Variants in PCDHA8 observed in about 807,000 individuals in gnomAD.
The protein encoded by PCDHA8 is protocadherin alpha 8.
PCDHA8 carries 53 observed loss-of-function variants against 61.8 expected under a neutral mutation model. The ratio of observed to expected loss-of-function variants is 0.86; its 90% confidence interval spans 0.69 to 1.08. PCDHA8 has a LOEUF of 1.08. Ranked by LOEUF, PCDHA8 falls within the 50% of genes least tolerant of loss-of-function variation. PCDHA8 has a pLI of 0.00. For missense variants in PCDHA8, 1,293 were observed against 1,245.0 expected (o/e 1.04, Z -0.58); for synonymous variants, 618 against 556.6 (o/e 1.11, Z -1.55).
At chr5:140,941,255 C>CTTTCTTTCTTTCTTTCTCTT (rs782490896) in intron 1 of PCDHA8, among the ~76,000 whole-genome samples, 1 of 44,508 alleles carries the variant, frequency 2.2e-5, no homozygotes, top group Non-Finnish European at 5.1e-5. Context: ...TTCTTTCTTT[C>CTTTCTTTCTTTCTTTCTCTT]TCTTTCTTTC....
intron 1 of PCDHA8, chr5:140,881,501 C>A (rs782000314): frequency 3.3e-4 from 82 of 248,870 alleles, no homozygotes; most frequent in Non-Finnish European, 4.9e-4. Context: ...CACATACACA[C>A]ACTCACATAC....
At chr5:140,985,310 TG>T (rs1563522847) in intron 3 of PCDHA8, among the ~76,000 whole-genome samples, 2 of 152,196 alleles carry the variant, frequency 1.3e-5, no homozygotes, top group African/African-American at 4.8e-5. Flanking sequence ...GATAGCCTGG[TG>T]GCCAGAATTC....
chr5:140,906,545 T>C (rs1477554651), intron 1 of PCDHA8, among the ~76,000 whole-genome samples: 2 of 152,256 alleles, frequency 1.3e-5, no homozygotes, highest in Admixed American at 6.5e-5. Context: ...TCCTCATTTC[T>C]GCAACTGGTT....
intron 1 of PCDHA8, among the ~76,000 whole-genome samples, chr5:140,895,873 G>A (rs112324080): frequency 0.13 from 19,058 of 152,088 alleles, 1,272 homozygotes; most frequent in Middle Eastern, 0.19. Context: ...GTGCAATGGC[G>A]CGATCTCGGC....
At chr5:140,850,549 G>A in intron 1 of PCDHA8, 2 of 1,598,360 alleles carry the variant, frequency 1.3e-6, no homozygotes, top group Non-Finnish European at 1.7e-6. Flanking sequence ...GCGTCAGTGG[G>A]TGCCACGGGC....
chr5:140,941,191 T>TTTTTTTTC (rs1554213809), intron 1 of PCDHA8, among the ~76,000 whole-genome samples: 21 of 93,258 alleles, frequency 2.3e-4, no homozygotes, highest in African/African-American at 5.9e-4. Flanking sequence ...GCTTCTTTTT[T>TTTTTTTTC]TTTCTTTCTT....
At chr5:140,847,774 C>T (rs1554141905) in intron 1 of PCDHA8, 2 of 149,772 alleles carry the variant, frequency 1.3e-5, no homozygotes, top group East Asian at 3.9e-4. Context: ...AGTCAATTCT[C>T]GCTTTTCTTG....
intron 1 of PCDHA8, chr5:140,856,708 A>G: frequency 6.3e-7 from 1 of 1,596,690 alleles, no homozygotes; most frequent in South Asian, 1.1e-5. Context: ...GCAAACCTGA[A>G]TTTACCGGAT....
intron 1 of PCDHA8, among the ~76,000 whole-genome samples, chr5:140,956,672 G>A (rs571890845): frequency 1.3e-5 from 2 of 152,242 alleles, no homozygotes; most frequent in Admixed American, 1.3e-4. Context: ...AAAGGAGTTA[G>A]GGAGGAGTAC....
chr5:140,915,008 T>C (rs1201776517), intron 1 of PCDHA8, among the ~76,000 whole-genome samples: 1 of 150,866 alleles, frequency 6.6e-6, no homozygotes, highest in Non-Finnish European at 1.5e-5. Context: ...TGCAGTGGCC[T>C]GATCTTGGCT....
At chr5:141,005,944 C>T (rs1563696119) in intron 3 of PCDHA8, among the ~76,000 whole-genome samples, 1 of 151,862 alleles carries the variant, frequency 6.6e-6, no homozygotes, top group African/African-American at 2.4e-5. Context: ...GAGAACCTAT[C>T]TCTAACAAAC....
At chr5:140,873,590 A>C (rs1188968124) in intron 1 of PCDHA8, among the ~76,000 whole-genome samples, 2 of 152,202 alleles carry the variant, frequency 1.3e-5, no homozygotes, top group Non-Finnish European at 2.9e-5. Flanking sequence ...ATTAAGCTAA[A>C]CTTAGATGTT....
intron 1 of PCDHA8, among the ~76,000 whole-genome samples, chr5:140,917,823 G>A (rs1167187844): frequency 6.6e-5 from 10 of 151,920 alleles, no homozygotes; most frequent in African/African-American, 1.9e-4. Context: ...AAGTTGGGTA[G>A]TGTGATGTCC....
intron 1 of PCDHA8, among the ~76,000 whole-genome samples, chr5:140,893,478 C>T (rs1365540423): frequency 2.6e-5 from 4 of 151,996 alleles, no homozygotes; most frequent in African/African-American, 9.7e-5. Flanking sequence ...CATAGCAAGA[C>T]CCTGTTCTTC....
Position 140,851,840 on chromosome 5 carries a change from T to C in PCDHA8, c.2394+8125T>C. ...AGAAATCTGTTTTTTTAAAAATATCTTTTTCTCCTCTCAGCTCATACATAA... is the reference window on the plus strand; with the variant it reads ...AGAAATCTGTTTTTTTAAAAATATCCTTTTCTCCTCTCAGCTCATACATAA... On this transcript the variant is annotated intron_variant, in intron 1 of 3. Coordinates refer to ENST00000531613, the MANE Select transcript of PCDHA8 (RefSeq NM_018911.3). 3 of 970,528 alleles carry C rather than the reference T, an allele frequency of 3.1e-6. 1 individual carries two copies. The highest frequency in any genetic ancestry group is 3.7e-6 in the Non-Finnish European group (3 of 803,428). The allele number at this position is 970,528 out of a possible 1,614,324, so 60.1% of individuals were successfully genotyped here.
intron 1 of PCDHA8, chr5:140,928,199 C>T: frequency 6.2e-7 from 1 of 1,614,226 alleles, no homozygotes; most frequent in South Asian, 1.1e-5. Context: ...GTGTCAGTTG[C>T]TGATGTGAAT....
At chr5:140,851,474 T>C in intron 1 of PCDHA8, 9 of 889,824 alleles carry the variant, frequency 1.0e-5, no homozygotes, top group Non-Finnish European at 1.2e-5. Context: ...TCAATAAATG[T>C]TATAAACACA....
rs782073950 is a variant in PCDHA8, at chr5:140,978,950, C to G, written c.2396C>G (p.Pro799Arg). The G allele has an allele frequency of 1.2e-6, 2 of 1,614,102 alleles. No individual in the cohort carries two copies. The highest frequency in any genetic ancestry group is 1.7e-6 in the Non-Finnish European group (2 of 1,180,022). Reference sequence around the variant, plus strand: ...AAAACTCTCTTTGTGATTTTGCAGCCACGACAGCCCAACCCTGACTGGCGT... The same window carrying G: ...AAAACTCTCTTTGTGATTTTGCAGCGACGACAGCCCAACCCTGACTGGCGT... ...QDLNVDHGLK[P>R]RQPNPDWRYS... The change falls in exon 2 of 4, where the codon CCA becomes CGA. Residue 799 changes from proline to arginine, a missense_variant and splice_region_variant. Coordinates refer to ENST00000531613, the MANE Select transcript of PCDHA8 (RefSeq NM_018911.3).
chr5:140,846,801 G>A (rs1780686436), intron 1 of PCDHA8, among the ~76,000 whole-genome samples: 1 of 149,422 alleles, frequency 6.7e-6, no homozygotes, highest in Admixed American at 6.7e-5. Context: ...CCAGCCCCTG[G>A]CTTTAAAATT....
Sources: allele counts gnomAD v4.1 joint callset (sites outside exome capture counted in the v4.1 genomes callset), GRCh38; gene constraint gnomAD v4.1.1; transcripts MANE v1.5; gene names NCBI Gene and HGNC (gene_info 2026-07-23, HGNC 2026-07-21).